The following MTRF1L variants were observed in gnomAD, a reference collection of about 807,000 sequenced individuals.
MTRF1L encodes the protein peptide chain release factor 1-like, mitochondrial.
In MTRF1L, 29 loss-of-function variants were observed where a neutral mutation model predicts 40.0. That is an observed-to-expected ratio of 0.73 (90% CI 0.54 to 0.99). The LOEUF is 0.99. Ranked by LOEUF, MTRF1L falls within the 50% of genes least tolerant of loss-of-function variation. The pLI, the probability that MTRF1L is intolerant of heterozygous loss-of-function variation, is 0.00. For missense variants in MTRF1L, 412 were observed against 464.5 expected (o/e 0.89, Z 1.04); for synonymous variants, 150 against 175.8 (o/e 0.85, Z 1.16).
intron 3 of MTRF1L, 69 bp from the exon 4 acceptor site, chr6:152,994,745 C>T: frequency 5.8e-6 from 9 of 1,562,562 alleles, no homozygotes; most frequent in Non-Finnish European, 7.9e-6. Flanking sequence ...ACCATCACAT[C>T]TACTATCTTG....
At chr6:153,002,405 C>T in intron 1 of MTRF1L, 22 bp downstream of exon 1, 2 of 1,613,972 alleles carry the variant, frequency 1.2e-6, no homozygotes, top group Non-Finnish European at 1.7e-6. Flanking sequence ...TCTGACGCCT[C>T]TCCCCCGGGC....
chr6:153,000,340 G>C (rs902617589), intron 1 of MTRF1L, among the ~76,000 whole-genome samples: 1 of 152,072 alleles, frequency 6.6e-6, no homozygotes, highest in Non-Finnish European at 1.5e-5. Context: ...TTTATACCAG[G>C]TGTTTGAAAT....
chr6:152,998,816 T>C (rs570401880), intron 1 of MTRF1L, 187 bp from the exon 2 acceptor site: 2 of 360,668 alleles, frequency 5.5e-6, no homozygotes, highest in South Asian at 1.6e-4. Flanking sequence ...TTCACCATTT[T>C]ATACATTAGT....
In MTRF1L at chr6:152,988,840, TTAA is replaced by T. The variant is rs1175220742; in HGVS notation, c.*1052_*1054del. On this transcript the variant is annotated 3_prime_UTR_variant, in exon 7 of 7. Transcript: ENST00000367233. ...ACTCCAGCTTTTGGACTTGTTAGAC[TTAA>T]TAATAACAACACAAGCCAATCCTTT... The T allele has an allele frequency of 4.1e-5, 3 of 72,988 alleles. 1 individual carries two copies. Among genetic ancestry groups the T allele is most frequent in the Admixed American group, 1.8e-4 (1 of 5,590 alleles). The allele number at this position is 72,988 out of a possible 1,614,324, so 4.5% of individuals were successfully genotyped here. A position where few individuals can be genotyped will look rare whatever the true frequency, so the allele number is the denominator to read the frequency against.
intron 5 of MTRF1L, among the ~76,000 whole-genome samples, chr6:152,991,647 C>T (rs969641737): frequency 3.3e-5 from 5 of 152,078 alleles, no homozygotes; most frequent in African/African-American, 9.7e-5. Flanking sequence ...CCCGGGTTCA[C>T]GCCATTCTCC....
At position 152,990,194 on chromosome 6, in the gene MTRF1L, G is replaced by C; in HGVS notation, c.943-99C>G. ...GACTTAAGTTCTTGATTTATAACAT[G>C]AATCAAATGCGAGAACCAGGTTTTA... On this transcript the variant is annotated intron_variant, in intron 6 of 6. Coordinates refer to ENST00000367233, the MANE Select transcript of MTRF1L (RefSeq NM_019041.7). 6 of 1,460,716 alleles carry C rather than the reference G, an allele frequency of 4.1e-6. 1 individual carries two copies. In the South Asian group the frequency reaches 8.3e-5, roughly 20 times the overall value. 90.5% of individuals were successfully genotyped at this position (1,460,716 alleles called of 1,614,324 possible). A position where few individuals can be genotyped will look rare whatever the true frequency, so the allele number is the denominator to read the frequency against.
rs543314493 is a variant in MTRF1L, at chr6:153,001,339, A to G, written c.259+1088T>C. 3.2e-4 allele frequency among the ~76,000 whole-genome samples: 48 copies of G among 152,106 alleles called. 1 individual carries two copies. The highest frequency in any genetic ancestry group is 1.1e-3 in the African/African-American group (47 of 41,484). On this transcript the variant is annotated intron_variant, in intron 1 of 6. Transcript: ENST00000367233. ...TTCTGGCCTTGTTAGACTTGTTTCT[A>G]TCTTAACACATTTTCCCTGAGTGTT...
At chr6:152,998,058 T>A (rs989785394) in intron 2 of MTRF1L, among the ~76,000 whole-genome samples, 3 of 151,354 alleles carry the variant, frequency 2.0e-5, no homozygotes, top group African/African-American at 7.3e-5. Context: ...AATTAAAGTT[T>A]ATATATATAT....
Position 152,992,322 on chromosome 6 carries a change from G to A in MTRF1L, c.805+535C>T, listed in dbSNP as rs142958491. Among the ~76,000 whole-genome samples the A allele has an allele frequency of 6.4e-4, 97 of 152,268 alleles. 1 individual carries two copies. Among genetic ancestry groups the A allele is most frequent in the African/African-American group, 2.1e-3 (89 of 41,548 alleles). ...CGAGCTACAGTATACTGGAGATTTC[G>A]ATATAGTCCCTTTGCCTAACTATCT... On this transcript the variant is annotated intron_variant, in intron 5 of 6. Transcript: ENST00000367233.
intron 2 of MTRF1L, among the ~76,000 whole-genome samples, chr6:152,997,951 A>AC (rs1364361676): frequency 6.6e-6 from 1 of 152,072 alleles, no homozygotes; most frequent in East Asian, 1.9e-4. Context: ...AATTCCCAGG[A>AC]CCCTCAGTTC....
chr6:153,000,194 GGTGCCT>G (rs758446780), intron 1 of MTRF1L, among the ~76,000 whole-genome samples: 51 of 152,138 alleles, frequency 3.4e-4, no homozygotes, highest in Non-Finnish European at 6.6e-4. Flanking sequence ...TAATCTCTAA[GGTGCCT>G]TTCAGTTCTG....
At chr6:152,993,481 A>G (rs1369752447) in intron 4 of MTRF1L, among the ~76,000 whole-genome samples, 1 of 152,184 alleles carries the variant, frequency 6.6e-6, no homozygotes, top group Non-Finnish European at 1.5e-5. Flanking sequence ...ACACACTGGG[A>G]TCTGAGGTCA....
rs369828849 is a variant in MTRF1L, at chr6:152,994,558, G to A, written c.642C>T (p.Val214=). ...TTGCTACAGTCATGGTGCTAGTATGGACGCGGCCTTGCTTTTCTGTCTTTG... is the reference window on the plus strand; with the variant it reads ...TTGCTACAGTCATGGTGCTAGTATGAACGCGGCCTTGCTTTTCTGTCTTTG... The part of the protein sequence containing the change: ...RVPKTEKQGR[V]HTSTMTVAIL... The change falls in exon 4 of 7, where the codon GTC becomes GTT. Residue 214 remains valine, a synonymous_variant. Coordinates refer to ENST00000367233, the MANE Select transcript of MTRF1L (RefSeq NM_019041.7). 1.1e-5 allele frequency: 18 copies of A among 1,612,226 alleles called. No individual in the cohort carries two copies. In the African/African-American group the frequency reaches 1.7e-4, roughly 16 times the overall value.
chr6:152,992,567 A>G (rs552162829), intron 5 of MTRF1L, among the ~76,000 whole-genome samples: 316 of 152,200 alleles, frequency 2.1e-3, no homozygotes, highest in Middle Eastern at 0.01. Flanking sequence ...CATTGTGAGA[A>G]TTTTCTTTTT....
At chr6:152,991,027 A>G (rs1778491839) in intron 6 of MTRF1L, among the ~76,000 whole-genome samples, 158 bp downstream of exon 6, 1 of 152,202 alleles carries the variant, frequency 6.6e-6, no homozygotes, top group Non-Finnish European at 1.5e-5. Context: ...CAGGGCAGAG[A>G]TGTAAGATTA....
chr6:152,991,704 G>A (rs1030655695), intron 5 of MTRF1L, among the ~76,000 whole-genome samples: 2 of 152,076 alleles, frequency 1.3e-5, no homozygotes, highest in African/African-American at 2.4e-5. Context: ...CCGCCATCAC[G>A]CCCGGCTAAT....
intron 1 of MTRF1L, among the ~76,000 whole-genome samples, chr6:153,000,929 A>T (rs1778894689): frequency 7.3e-6 from 1 of 137,036 alleles, no homozygotes; most frequent in Non-Finnish European, 1.5e-5. Context: ...GCTGGAATGC[A>T]GTGGCACCAT....
rs751782367 is a variant in MTRF1L, at chr6:152,989,909, A to T, written c.1129T>A (p.Ser377Thr). Residue 377 changes from serine (S) to threonine (T), a missense_variant, in exon 7 of 7, where the codon TCC (serine) becomes ACC (threonine). Coordinates refer to ENST00000367233, the MANE Select transcript of MTRF1L (RefSeq NM_019041.7). ...AACAAATCAACTTAAACTTTTTGGG[A>T]AATAATTTCTACTAAAGATTCATAA... Reference protein sequence around the residue: ...ADYESLVEIISQKV With the variant: ...ADYESLVEIITQKV 1.2e-6 allele frequency: 2 copies of T among 1,610,804 alleles called. No homozygotes were observed. The highest frequency in any genetic ancestry group is 1.7e-6 in the Non-Finnish European group (2 of 1,179,050).
chr6:152,997,032 A>G (rs1364017616), intron 2 of MTRF1L, among the ~76,000 whole-genome samples: 1 of 152,210 alleles, frequency 6.6e-6, no homozygotes, highest in Non-Finnish European at 1.5e-5. Flanking sequence ...GTTAAATTGA[A>G]GCAAGAACAA....
Sources: gnomAD v4.1 joint callset for allele counts (sites outside exome capture counted in the v4.1 genomes callset) on GRCh38, gnomAD v4.1.1 for gene constraint, MANE v1.5 for transcripts, NCBI Gene and HGNC (gene_info 2026-07-23, HGNC 2026-07-21) for gene names.